STAC3: variants seen among roughly 807,000 people sequenced by gnomAD.
STAC3 encodes the protein SH3 and cysteine-rich domain-containing protein 3.
In STAC3, 30 loss-of-function variants were observed where a neutral mutation model predicts 48.5. The ratio of observed to expected loss-of-function variants is 0.62; its 90% CI spans 0.46 to 0.84. STAC3 has a LOEUF of 0.84. Among genes scored for constraint, STAC3 ranks in the 40% least tolerant of loss-of-function variants. The probability of loss-of-function intolerance (pLI) is 0.00; values close to 1 mark genes in which losing one functional copy is unlikely to be tolerated. For missense variants in STAC3, 419 were observed against 462.6 expected (o/e 0.91, Z 0.86); for synonymous variants, 144 against 158.6 (o/e 0.91, Z 0.69).
chr12:57,246,112 A>T (rs2037734535), intron 6 of STAC3, among the ~76,000 whole-genome samples: 1 of 104,740 alleles, frequency 9.5e-6, no homozygotes, highest in African/African-American at 3.1e-5. Flanking sequence ...TCTATCTCAA[A>T]AAAAAAAAAA....
rs1003572045 is a variant in STAC3 at position 57,249,316 on chromosome 12, A to T, written c.67-8T>A. ...CTGCTTTAGCCGCTGTAGCTGAGGG[A>T]GGGAGTGAAGAAAACCCAATGTTAA... On this transcript the variant is annotated splice_region_variant and splice_polypyrimidine_tract_variant and intron_variant, in intron 2 of 11. Coordinates refer to ENST00000332782, the MANE Select transcript of STAC3 (RefSeq NM_145064.3). 4 of 1,566,804 alleles carry T rather than the reference A, an allele frequency of 2.6e-6. No individual in the cohort carries two copies. Among genetic ancestry groups the T allele is most frequent in the Non-Finnish European group, 3.5e-6 (4 of 1,156,528 alleles).
At chr12:57,245,078 C>T in intron 7 of STAC3, 67 bp downstream of exon 7, 6 of 1,606,510 alleles carry the variant, frequency 3.7e-6, no homozygotes, top group South Asian at 1.1e-5. Context: ...TTTGCTCCTC[C>T]ACCCTCTGTT....
chr12:57,243,867 A>C lies in STAC3; in HGVS notation c.1040T>G (p.Val347Gly). 6.2e-7 allele frequency: 1 copy of C among 1,614,044 alleles called. No homozygotes were observed. The highest frequency in any genetic ancestry group is 8.5e-7 in the Non-Finnish European group (1 of 1,180,016). Reference sequence around the variant, plus strand: ...CAGCCCCACCTTGCGGCCGGTGTAGACCTTGACGTAGCCGCCCGCTTCGTC... The same window carrying C: ...CAGCCCCACCTTGCGGCCGGTGTAGCCCTTGACGTAGCCGCCCGCTTCGTC... Reference protein sequence around the residue: ...KGDEAGGYVKVYTGRKVGLFP... With the variant: ...KGDEAGGYVKGYTGRKVGLFP... The change falls in exon 12 of 12, where the codon GTC becomes GGC. Residue 347 changes from valine to glycine, a missense_variant. Physicochemically the swap from Val to Gly is moderately radical, Grantham distance 109. Transcript: ENST00000332782.
At chr12:57,243,962 A>G in intron 11 of STAC3, 52 bp from the exon 12 acceptor site, 1 of 1,607,822 alleles carries the variant, frequency 6.2e-7, no homozygotes, top group Non-Finnish European at 8.5e-7. Context: ...AAAAGGTAGG[A>G]GAGGACAGCA....
rs763684159 is a variant in STAC3, at chr12:57,248,799, G to T, written c.339C>A (p.Asn113Lys). 1.2e-6 allele frequency: 2 copies of T among 1,613,672 alleles called. No homozygotes were observed. The highest frequency in any genetic ancestry group is 1.7e-6 in the Non-Finnish European group (2 of 1,179,718). The change falls in exon 4 of 12, where the codon AAC becomes AAA. Residue 113 changes from asparagine (N) to lysine (K), a missense_variant. Physicochemically the swap from Asn to Lys is moderately conservative, Grantham distance 94 (BLOSUM62 0). Transcript: ENST00000332782. ...TCTTACAGCGAAGCCCAAACTTGTT[G>T]TTGACTTGGGAAAGGGGGAGAAAAT... ...CDVCARMIVL[N>K]NKFGLRCKNC...
intron 5 of STAC3, among the ~76,000 whole-genome samples, chr12:57,247,726 G>A (rs571383522): frequency 6.6e-6 from 1 of 152,090 alleles, no homozygotes; most frequent in South Asian, 2.1e-4. Flanking sequence ...CCCGGCCTGG[G>A]TTGCCAAATT....
intron 5 of STAC3, among the ~76,000 whole-genome samples, chr12:57,247,249 C>G (rs1448392006): frequency 6.6e-6 from 1 of 152,052 alleles, no homozygotes; most frequent in Non-Finnish European, 1.5e-5. Flanking sequence ...GGGCCCTTAA[C>G]TGCTGGCTTT....
chr12:57,248,951 C>A (rs1327715854), intron 3 of STAC3, 90 bp downstream of exon 3: 1 of 1,552,984 alleles, frequency 6.4e-7, no homozygotes. Flanking sequence ...CTAGCCACAG[C>A]CCATCTGCTA....
At position 57,243,856 on chromosome 12, in the gene STAC3, G is replaced by A; in HGVS notation, c.1051C>T (p.Arg351Cys). 1 of 1,614,096 alleles carries A rather than the reference G, an allele frequency of 6.2e-7. No individual in the cohort carries two copies. The highest frequency in any genetic ancestry group is 8.5e-7 in the Non-Finnish European group (1 of 1,180,014). The change falls in exon 12 of 12, where the codon CGC becomes TGC. Residue 351 changes from arginine (R) to cysteine (C), a missense_variant. Physicochemically the swap from Arg to Cys is radical, Grantham distance 180 (BLOSUM62 -3). Transcript: ENST00000332782. ...TCGGTGGGAAACAGCCCCACCTTGC[G>A]GCCGGTGTAGACCTTGACGTAGCCG... ...AGGYVKVYTG[R>C]KVGLFPTDFL...
intron 2 of STAC3, 62 bp downstream of exon 2, chr12:57,249,509 T>C: frequency 6.3e-7 from 1 of 1,595,078 alleles, no homozygotes; most frequent in Non-Finnish European, 8.6e-7. Flanking sequence ...ATTTAAGCAC[T>C]CTTCTTCAGC....
chr12:57,248,877 A>G (rs1214383436), intron 3 of STAC3, 74 bp from the exon 4 acceptor site: 4 of 1,528,706 alleles, frequency 2.6e-6, no homozygotes, highest in Non-Finnish European at 3.6e-6. Flanking sequence ...TGCTACTCTT[A>G]GGTTTCCTTT....
intron 1 of STAC3, chr12:57,249,844 C>T: frequency 3.9e-6 from 2 of 514,538 alleles, no homozygotes; most frequent in Non-Finnish European, 7.0e-6. Flanking sequence ...CAGCCTCGAC[C>T]TCCCAGCCTG....
At chr12:57,247,626 G>A (rs923892476) in intron 5 of STAC3, among the ~76,000 whole-genome samples, 5 of 151,564 alleles carry the variant, frequency 3.3e-5, no homozygotes, top group African/African-American at 9.7e-5. Context: ...TAGTAGAGAC[G>A]GGGTTTCACC....
At chr12:57,249,441 G>T (rs2037847169) in intron 2 of STAC3, 130 bp downstream of exon 2, 1 of 1,480,506 alleles carries the variant, frequency 6.8e-7, no homozygotes. Flanking sequence ...GGGGGGTATT[G>T]GTATTGGGGA....
At chr12:57,245,908 G>A (rs1038439253) in intron 6 of STAC3, among the ~76,000 whole-genome samples, 2 of 151,892 alleles carry the variant, frequency 1.3e-5, no homozygotes, top group African/African-American at 2.4e-5. Flanking sequence ...TCGGGAGTTC[G>A]AGACCAGCCT....
Position 57,244,949 on chromosome 12 carries a change from A to G in STAC3, c.687T>C (p.Asp229=). 1 of 1,614,178 alleles carries G rather than the reference A, an allele frequency of 6.2e-7. No individual in the cohort carries two copies. Among genetic ancestry groups the G allele is most frequent in the Non-Finnish European group, 8.5e-7 (1 of 1,180,036 alleles). Residue 229 remains aspartate, a synonymous_variant, in exon 8 of 12, where the codon GAT becomes GAC. Coordinates refer to ENST00000332782, the MANE Select transcript of STAC3 (RefSeq NM_145064.3). ...GKPQDGNPEG[D]KKAEKKTPDD... is the part of the protein sequence containing the mutation. ...CAGGTGTCTTCTTCTCAGCCTTCTT[A>G]TCCCCTTCAGGGTTTCCTGGGATAG...
In STAC3 at chr12:57,243,687, G is replaced by T. The variant is rs1308705960; in HGVS notation, c.*125C>A. 2 of 889,570 alleles carry T rather than the reference G, an allele frequency of 2.2e-6. No individual in the cohort carries two copies. The highest frequency in any genetic ancestry group is 3.7e-6 in the Non-Finnish European group (2 of 545,762). 55.1% of individuals were successfully genotyped at this position (889,570 alleles called of 1,614,324 possible). On this transcript the variant is annotated 3_prime_UTR_variant, in exon 12 of 12. Transcript: ENST00000332782. ...AGTCCCTTCCCGGAAGCCCCGTCGC[G>T]CTCAGGCGGGCCTTCCTACCCCTCC... is the stretch of plus-strand genomic sequence containing the variant.
At chr12:57,249,335 A>C in intron 2 of STAC3, 27 bp from the exon 3 acceptor site, 1 of 1,550,848 alleles carries the variant, frequency 6.4e-7, no homozygotes, top group East Asian at 2.3e-5. Flanking sequence ...AGAAAACCCA[A>C]TGTTAAAAGG....
chr12:57,249,133 G>A lies in STAC3; in HGVS notation c.242C>T (p.Pro81Leu). ...EEEEEEPPPEPPKLVNDKPHK... is the reference protein window; with the variant it reads ...EEEEEEPPPELPKLVNDKPHK... Reference sequence around the variant, plus strand: ...GGGCTTATCGTTGACCAGCTTAGGAGGTTCTGGGGGTGGCTCCTCCTCCTC... The same window carrying A: ...GGGCTTATCGTTGACCAGCTTAGGAAGTTCTGGGGGTGGCTCCTCCTCCTC... The change falls in exon 3 of 12, where the codon CCT becomes CTT. Residue 81 changes from proline to leucine, a missense_variant. By Grantham distance (98) the Pro-to-Leu change is moderately conservative. Coordinates refer to ENST00000332782, the MANE Select transcript of STAC3 (RefSeq NM_145064.3). 1 of 1,614,000 alleles carries A rather than the reference G, an allele frequency of 6.2e-7. No individual in the cohort carries two copies. The highest frequency in any genetic ancestry group is 8.5e-7 in the Non-Finnish European group (1 of 1,179,986).
Sources: allele counts gnomAD v4.1 joint callset (sites outside exome capture counted in the v4.1 genomes callset), GRCh38; gene constraint gnomAD v4.1.1; transcripts MANE v1.5; gene names NCBI Gene and HGNC (gene_info 2026-07-23, HGNC 2026-07-21).